EVC2: variants seen among roughly 807,000 people sequenced by gnomAD.
The protein encoded by EVC2 is limbin.
In EVC2, 148 loss-of-function variants were observed where a neutral mutation model predicts 149.3. That is an observed-to-expected ratio of 0.99 (90% CI 0.87 to 1.14). The LOEUF (loss-of-function observed/expected upper bound fraction) is 1.14, where lower values mean the gene tolerates loss of function less well. Among genes scored for constraint, EVC2 ranks in the 50% most tolerant of loss-of-function variants. The pLI is 0.00. For missense variants in EVC2, 1,854 were observed against 1,627.3 expected (o/e 1.14, Z -2.40); for synonymous variants, 776 against 649.9 (o/e 1.19, Z -2.95).
chr4:5,707,963 C>A (rs1049062976), intron 1 of EVC2: 6 of 223,260 alleles, frequency 2.7e-5, no homozygotes, highest in Admixed American at 1.2e-4. Flanking sequence ...GCCGCGACGG[C>A]CCCGTTTCAA....
At chr4:5,539,776 AAC>A (rs55685347), downstream of EVC2, among the ~76,000 whole-genome samples, 10,879 of 150,052 alleles carry the variant, frequency 0.073, 1,124 homozygotes, top group African/African-American at 0.23. Flanking sequence ...ATACTACAAA[AAC>A]ACACACACAC....
intron 21 of EVC2, among the ~76,000 whole-genome samples, chr4:5,550,991 C>G (rs565441239): frequency 6.6e-6 from 1 of 152,348 alleles, no homozygotes; most frequent in East Asian, 1.9e-4. Flanking sequence ...GAACCTCTGC[C>G]TAGATTTCAG....
chr4:5,565,471 G>A (rs1392897310), intron 20 of EVC2, 112 bp from the exon 21 acceptor site: 1 of 908,304 alleles, frequency 1.1e-6, no homozygotes, highest in Non-Finnish European at 1.8e-6. Flanking sequence ...AGGAGTTCAA[G>A]ACCAGCCTGG....
the EVC2 span, among the ~76,000 whole-genome samples, chr4:5,535,019 T>G: frequency 6.6e-6 from 1 of 152,144 alleles, no homozygotes; most frequent in African/African-American, 2.4e-5. This position sits in a 1 kb window ranked among gnomAD's most constrained non-coding sequence, Gnocchi z 4.7. Flanking sequence ...CTGACGAGCC[T>G]TAAGTGATGG....
intron 16 of EVC2, among the ~76,000 whole-genome samples, chr4:5,595,777 T>C (rs1459342481): frequency 1.1e-4 from 16 of 152,098 alleles, no homozygotes; most frequent in Non-Finnish European, 1.6e-4. Context: ...GACTGGCAAA[T>C]TGGATAAAGA....
intron 16 of EVC2, among the ~76,000 whole-genome samples, chr4:5,595,026 TA>T (rs1713245471): frequency 6.6e-6 from 1 of 151,944 alleles, no homozygotes; most frequent in Non-Finnish European, 1.5e-5. Flanking sequence ...GAAAAAAGAA[TA>T]AAAAGAAACG....
At chr4:5,546,463 G>A (rs1216168092) in intron 21 of EVC2, among the ~76,000 whole-genome samples, 1 of 151,852 alleles carries the variant, frequency 6.6e-6, no homozygotes, top group East Asian at 1.9e-4. Context: ...ACTATCGCAA[G>A]GACAAAAAAC....
In EVC2 at chr4:5,681,233, G is replaced by A. The variant is rs374764196; in HGVS notation, c.870+27C>T. Reference sequence around the variant, plus strand: ...CACACAGCACAGGTGTGTCCTGAGGGTGCTCAGGGCATGTCATGTCTCTTA... The same window carrying A: ...CACACAGCACAGGTGTGTCCTGAGGATGCTCAGGGCATGTCATGTCTCTTA... On this transcript the variant is annotated intron_variant, in intron 7 of 21. Transcript: ENST00000344408. 10 of 1,612,796 alleles carry A rather than the reference G, an allele frequency of 6.2e-6. No individual in the cohort carries two copies. In the African/African-American group the frequency reaches 1.2e-4, roughly 19 times the overall value.
chr4:5,634,526 C>A (rs1716763621), intron 10 of EVC2, among the ~76,000 whole-genome samples: 1 of 152,164 alleles, frequency 6.6e-6, no homozygotes, highest in Non-Finnish European at 1.5e-5. Flanking sequence ...AAAGCAGACA[C>A]ACACACAAAT....
chr4:5,676,199 C>T (rs192803588), intron 7 of EVC2, among the ~76,000 whole-genome samples: 1 of 152,270 alleles, frequency 6.6e-6, no homozygotes, highest in East Asian at 1.9e-4. Context: ...AAAGACAGTA[C>T]TCTCATCCAG....
chr4:5,594,296 C>T (rs1293341290), intron 16 of EVC2, among the ~76,000 whole-genome samples: 13 of 152,210 alleles, frequency 8.5e-5, no homozygotes, highest in Non-Finnish European at 1.8e-4. Flanking sequence ...CCCTGACCCC[C>T]GAGCAGCCTA....
chr4:5,585,963 G>T (rs1033605414), intron 16 of EVC2, among the ~76,000 whole-genome samples: 6 of 152,174 alleles, frequency 3.9e-5, no homozygotes, highest in Non-Finnish European at 7.4e-5. Context: ...CTGGGTTCAA[G>T]TGATTTTCCT....
the EVC2 span, among the ~76,000 whole-genome samples, chr4:5,535,823 G>C: frequency 6.6e-6 from 1 of 152,214 alleles, no homozygotes; most frequent in Non-Finnish European, 1.5e-5. The surrounding 1 kb of genome is among the most constrained non-coding windows in gnomAD (Gnocchi z 4.7). Context: ...GTCCAGAGCA[G>C]AAATCATTAG....
intron 21 of EVC2, among the ~76,000 whole-genome samples, chr4:5,555,203 GA>G (rs1225029688): frequency 6.6e-6 from 1 of 151,960 alleles, no homozygotes. Context: ...AAGAGAAAAT[GA>G]TTAATCAAAA....
intron 2 of EVC2, 80 bp downstream of exon 2, chr4:5,697,513 G>A (rs1721557657): frequency 1.5e-6 from 2 of 1,373,304 alleles, no homozygotes; most frequent in Non-Finnish European, 1.0e-6. Flanking sequence ...AGAGAGTGAG[G>A]GAGCTGGAGG....
chr4:5,596,974 A>T (rs1394751096), intron 16 of EVC2, among the ~76,000 whole-genome samples: 2 of 152,246 alleles, frequency 1.3e-5, no homozygotes, highest in Admixed American at 1.3e-4. Context: ...GAAGAAATGG[A>T]TAAATTCCTC....
Position 5,708,402 on chromosome 4 carries a change from G to C in EVC2, c.112C>G (p.Arg38Gly). 6.7e-7 allele frequency: 1 copy of C among 1,500,026 alleles called. No individual in the cohort carries two copies. Among genetic ancestry groups the C allele is most frequent in the South Asian group, 1.2e-5 (1 of 80,332 alleles). The allele number at this position is 1,500,026 out of a possible 1,614,324, so 92.9% of individuals were successfully genotyped here. Residue 38 changes from arginine to glycine, a missense_variant, in exon 1 of 22, where the codon CGC (arginine) becomes GGC (glycine). By Grantham distance (125) the Arg-to-Gly change is moderately radical (BLOSUM62 -2). Transcript: ENST00000344408. ...GGCTGCGCGCCGAGGGGGCGCCAGC[G>C]GGGACGTGAGCTGGCGCCGAGACAG... ...RGCLGASSRP[R>G]WRPLGAQPPR...
Position 5,663,215 on chromosome 4 carries a change from A to T in EVC2, c.1037T>A (p.Leu346Ter). The T allele has an allele frequency of 6.2e-7, 1 of 1,614,146 alleles. No homozygotes were observed. The highest frequency in any genetic ancestry group is 8.5e-7 in the Non-Finnish European group (1 of 1,180,018). The change falls in exon 9 of 22, where the codon TTG becomes TAG. Residue 346 changes from leucine to a stop codon, truncating the protein, a stop_gained. Transcript: ENST00000344408. LOFTEE classifies it high-confidence loss of function. ...VWQYESKLEPLPFTSADGVNE... is the reference protein window; with the variant it reads ...VWQYESKLEP ...CACGCCATCAGCTGAGGTGAACGGC[A>T]AGGGTTCCAGCTTGCTCTCATACTG... is the stretch of plus-strand genomic sequence containing the variant.
chr4:5,665,372 G>T, intron 8 of EVC2, 143 bp downstream of exon 8: 2 of 1,205,214 alleles, frequency 1.7e-6, no homozygotes, highest in Non-Finnish European at 2.4e-6. Context: ...CAGCAGTTTT[G>T]GAGGTGGGCC....
Sources: allele counts gnomAD v4.1 joint callset (sites outside exome capture counted in the v4.1 genomes callset), GRCh38; gene constraint gnomAD v4.1.1; non-coding constraint Gnocchi (gnomAD v3.1); transcripts MANE v1.5; gene names NCBI Gene and HGNC (gene_info 2026-07-23, HGNC 2026-07-21).